SHTN1: variants seen among roughly 807,000 people sequenced by gnomAD.
SHTN1 encodes shootin-1.
Under a neutral mutation model 83.1 loss-of-function variants are expected in SHTN1, and 42 were observed. The observed-to-expected ratio is 0.51, with a 90% CI of 0.39 to 0.65. SHTN1 has a LOEUF of 0.65. Ranked by LOEUF, SHTN1 falls within the 30% of genes least tolerant of loss-of-function variation. The pLI is 0.00. For synonymous variants in SHTN1, 224 were observed against 247.7 expected, an observed-to-expected ratio of 0.90 and a Z score of 0.90; for missense variants, 622 against 737.8, an observed-to-expected ratio of 0.84 and a Z score of 1.82.
At chr10:116,986,099 T>C (rs1200625266) in intron 1 of SHTN1, among the ~76,000 whole-genome samples, 4 of 152,224 alleles carry the variant, frequency 2.6e-5, no homozygotes, top group African/African-American at 9.6e-5. Flanking sequence ...ACTACATTAA[T>C]GACTTCAAAT....
intron 1 of SHTN1, among the ~76,000 whole-genome samples, chr10:117,063,530 T>C (rs1713373064): frequency 6.6e-6 from 1 of 152,226 alleles, no homozygotes; most frequent in South Asian, 2.1e-4. Context: ...GCCAATTCCC[T>C]GTATTAAATT....
At position 116,885,509 on chromosome 10, in the gene SHTN1, G is replaced by A. The variant is rs1219311183; in HGVS notation, c.*835C>T. 1 of 152,544 alleles carries A rather than the reference G, an allele frequency of 6.6e-6. No individual in the cohort carries two copies. The highest frequency in any genetic ancestry group is 1.5e-5 in the Non-Finnish European group (1 of 68,022). The allele number at this position is 152,544 out of a possible 1,614,324, so 9.4% of individuals were successfully genotyped here. Reference sequence around the variant, plus strand: ...AACAGCAGTGAAGCAAGAAAAATGTGTGCTTGTCACTTATCTTCACCATAC... The same window carrying A: ...AACAGCAGTGAAGCAAGAAAAATGTATGCTTGTCACTTATCTTCACCATAC... On this transcript the variant is annotated 3_prime_UTR_variant, in exon 17 of 17. Coordinates refer to ENST00000355371, the MANE Select transcript of SHTN1 (RefSeq NM_001127211.3).
Position 116,906,875 on chromosome 10 carries a change from A to G in SHTN1, c.1360-128T>C, listed in dbSNP as rs1407083768. 2.5e-5 allele frequency: 18 copies of G among 730,782 alleles called. No homozygotes were observed. In the East Asian group the frequency reaches 5.5e-4, roughly 22 times the overall value. 45.3% of individuals were successfully genotyped at this position (730,782 alleles called of 1,614,324 possible). On this transcript the variant is annotated intron_variant, in intron 14 of 16. Coordinates refer to ENST00000355371, the MANE Select transcript of SHTN1 (RefSeq NM_001127211.3). ...AATTATGAAACAAAATGAATTTGCTATATATTAATATTTTTTAAATGTGCA... is the reference window on the plus strand; with the variant it reads ...AATTATGAAACAAAATGAATTTGCTGTATATTAATATTTTTTAAATGTGCA...
At chr10:116,992,776 G>T (rs1851486387) in intron 1 of SHTN1, among the ~76,000 whole-genome samples, 1 of 152,084 alleles carries the variant, frequency 6.6e-6, no homozygotes, top group Non-Finnish European at 1.5e-5. Context: ...ATGTTTTAAA[G>T]AATTTTATTT....
intron 1 of SHTN1, among the ~76,000 whole-genome samples, chr10:116,995,700 A>C (rs1851602141): frequency 6.6e-6 from 1 of 152,122 alleles, no homozygotes; most frequent in Admixed American, 6.6e-5. Context: ...CCAAAGTTTG[A>C]TGAGAATGTC....
At chr10:117,097,982 A>C (rs1033219824) in intron 1 of SHTN1, among the ~76,000 whole-genome samples, 1 of 152,064 alleles carries the variant, frequency 6.6e-6, no homozygotes, top group Admixed American at 6.6e-5. Context: ...GCTTCACGTG[A>C]AGTGGAGTGG....
At chr10:117,065,948 G>C (rs77691497) in intron 1 of SHTN1, among the ~76,000 whole-genome samples, 1,978 of 148,116 alleles carry the variant, frequency 0.013, 43 homozygotes, top group East Asian at 0.095. Context: ...TCATGCCTGT[G>C]GTCCCAACAG....
intron 8 of SHTN1, among the ~76,000 whole-genome samples, chr10:116,943,249 T>C (rs1849452274): frequency 6.6e-6 from 1 of 152,220 alleles, no homozygotes; most frequent in Non-Finnish European, 1.5e-5. Context: ...CATTCATTTT[T>C]GTCTTCTTAC....
intron 9 of SHTN1, among the ~76,000 whole-genome samples, chr10:116,939,914 A>C (rs1042215111): frequency 4.6e-5 from 7 of 152,212 alleles, no homozygotes; most frequent in Non-Finnish European, 7.3e-5. Flanking sequence ...CTTGGCACAC[A>C]GAGGTAGGCT....
At chr10:116,995,627 A>C (rs747555449) in intron 1 of SHTN1, among the ~76,000 whole-genome samples, 2 of 152,146 alleles carry the variant, frequency 1.3e-5, no homozygotes, top group African/African-American at 4.8e-5. Flanking sequence ...AGGCATTTGC[A>C]TAAGTTCAGG....
At chr10:116,997,122 C>T in intron 1 of SHTN1, among the ~76,000 whole-genome samples, 1 of 152,186 alleles carries the variant, frequency 6.6e-6, no homozygotes, top group South Asian at 2.1e-4. Context: ...ACAAGATACC[C>T]ATTCTCCTTT....
At chr10:117,105,633 A>G (rs1219253079) in intron 1 of SHTN1, among the ~76,000 whole-genome samples, 1 of 152,234 alleles carries the variant, frequency 6.6e-6, no homozygotes, top group Admixed American at 6.5e-5. Flanking sequence ...TGATGACAGT[A>G]TATTTTCTAA....
At chr10:116,980,654 C>T (rs554696134) in intron 1 of SHTN1, among the ~76,000 whole-genome samples, 1 of 151,802 alleles carries the variant, frequency 6.6e-6, no homozygotes, top group South Asian at 2.1e-4. Context: ...AAATCCGAAA[C>T]CAGTGGTTCC....
At chr10:116,939,508 C>A (rs751971029) in intron 9 of SHTN1, among the ~76,000 whole-genome samples, 1 of 152,190 alleles carries the variant, frequency 6.6e-6, no homozygotes, top group South Asian at 2.1e-4. Flanking sequence ...ACTGTCCAAC[C>A]AGTTCCAGTG....
At chr10:117,018,785 C>A (rs1204351262) in intron 2 of SHTN1, among the ~76,000 whole-genome samples, 2 of 152,040 alleles carry the variant, frequency 1.3e-5, no homozygotes. Flanking sequence ...GTTGGCCAGG[C>A]TGGTCTTGAA....
intron 12 of SHTN1, among the ~76,000 whole-genome samples, chr10:116,916,101 A>G (rs1420582612): frequency 1.3e-5 from 2 of 152,240 alleles, no homozygotes; most frequent in South Asian, 2.1e-4. Flanking sequence ...GAAAATATAC[A>G]TGTAGCAATA....
At chr10:117,036,731 TAG>T (rs1852503180) in intron 2 of SHTN1, among the ~76,000 whole-genome samples, 1 of 152,196 alleles carries the variant, frequency 6.6e-6, no homozygotes, top group South Asian at 2.1e-4. Flanking sequence ...ACAGGGCTAC[TAG>T]AGTCAATAAT....
At position 117,114,574 on chromosome 10, in the gene SHTN1, T is replaced by G. The variant is rs183452576; in HGVS notation, c.-189+11733A>C. ...TACTATGGCCTCCTCAAAGGAGGCC[T>G]GACTTGCCACAGCCCAGGCAGCGTT... is the stretch of plus-strand genomic sequence containing the variant. On this transcript the variant is annotated intron_variant, in intron 1 of 17. Coordinates refer to the SHTN1 transcript ENST00000392901. 4.5e-3 allele frequency among the ~76,000 whole-genome samples: 689 copies of G among 152,306 alleles called. 8 individuals are homozygous for G. The highest frequency in any genetic ancestry group is 0.016 in the African/African-American group (659 of 41,570).
chr10:116,970,456 C>T (rs531608601), intron 2 of SHTN1, among the ~76,000 whole-genome samples: 2 of 152,210 alleles, frequency 1.3e-5, no homozygotes, highest in Admixed American at 6.5e-5. Context: ...TGGCTCAAGT[C>T]GGTAATCCCA....
Sources: gnomAD v4.1 joint callset for allele counts (sites outside exome capture counted in the v4.1 genomes callset) on GRCh38, gnomAD v4.1.1 for gene constraint, MANE v1.5 for transcripts, NCBI Gene and HGNC (gene_info 2026-07-23, HGNC 2026-07-21) for gene names.